The following PPP1R42 variants were observed in gnomAD, a reference collection of about 807,000 sequenced individuals.
PPP1R42 encodes leucine rich repeat containing 67.
Under a neutral mutation model 31.0 loss-of-function variants are expected in PPP1R42, and 34 were observed. The observed-to-expected ratio is 1.10, with a 90% CI of 0.83 to 1.46. The LOEUF (loss-of-function observed/expected upper bound fraction) is 1.46. Among genes scored for constraint, PPP1R42 ranks in the 40% most tolerant of loss-of-function variants. PPP1R42 has a pLI of 0.00. For synonymous variants in PPP1R42, 103 were observed against 109.8 expected (o/e 0.94, Z 0.39); for missense variants, 268 against 303.0 (o/e 0.88, Z 0.86).
chr8:66,977,880 C>G (rs777020771), intron 7 of PPP1R42, among the ~76,000 whole-genome samples: 5 of 152,142 alleles, frequency 3.3e-5, no homozygotes, highest in Non-Finnish European at 7.3e-5. Context: ...ATCTCTTAGT[C>G]TCAACTGATA....
chr8:66,978,141 G>A (rs922740681), intron 7 of PPP1R42, among the ~76,000 whole-genome samples: 3 of 152,108 alleles, frequency 2.0e-5, no homozygotes, highest in Non-Finnish European at 4.4e-5. Context: ...GAGGTTTAAT[G>A]GACTCACAGT....
intron 7 of PPP1R42, among the ~76,000 whole-genome samples, chr8:66,978,691 T>A (rs1202299061): frequency 6.6e-6 from 1 of 152,188 alleles, no homozygotes; most frequent in Non-Finnish European, 1.5e-5. Flanking sequence ...ATGCTGAGAT[T>A]ACAGCCGTGA....
At chr8:67,024,046 T>G (rs549069456) in intron 1 of PPP1R42, among the ~76,000 whole-genome samples, 1 of 151,920 alleles carries the variant, frequency 6.6e-6, no homozygotes, top group East Asian at 1.9e-4. Flanking sequence ...CTCAGGAGGC[T>G]GAGGCAGGAG....
chr8:66,999,908 C>T (rs1420860122), intron 5 of PPP1R42, among the ~76,000 whole-genome samples: 9 of 152,154 alleles, frequency 5.9e-5, no homozygotes, highest in African/African-American at 2.2e-4. Flanking sequence ...TTCTTTACAA[C>T]ATTCCCTTCT....
chr8:67,009,247 G>A (rs1384331682), intron 5 of PPP1R42, among the ~76,000 whole-genome samples: 1 of 151,676 alleles, frequency 6.6e-6, no homozygotes, highest in Non-Finnish European at 1.5e-5. Flanking sequence ...TCCAGCCTGG[G>A]CTACAGAGTG....
chr8:67,004,757 G>A lies in PPP1R42; in HGVS notation c.552+5958C>T, dbSNP rs184979241. Among the ~76,000 whole-genome samples, 225 of 151,920 alleles carry A rather than the reference G, an allele frequency of 1.5e-3. 1 individual carries two copies. Among genetic ancestry groups the A allele is most frequent in the Middle Eastern group, 0.014 (4 of 294 alleles). ...TTTTTGTTTCCGTTTCTCTCTCTTT[G>A]ATTTTAGAGGCTCTTTTCAGAGGTC... is the stretch of plus-strand genomic sequence containing the variant. On this transcript the variant is annotated intron_variant, in intron 5 of 7. Coordinates refer to ENST00000685739, the MANE Select transcript of PPP1R42 (RefSeq NM_001364910.1).
intron 4 of PPP1R42, among the ~76,000 whole-genome samples, chr8:67,012,114 T>A (rs2129536899): frequency 6.6e-6 from 1 of 152,234 alleles, no homozygotes; most frequent in Non-Finnish European, 1.5e-5. Context: ...CGCACGCCTG[T>A]AGTCCCAGCT....
chr8:66,965,379 G>A (rs1434004524), intron 7 of PPP1R42, among the ~76,000 whole-genome samples: 1 of 151,872 alleles, frequency 6.6e-6, no homozygotes, highest in African/African-American at 2.4e-5. Flanking sequence ...ATTTAACTTG[G>A]GAAAATAACC....
chr8:66,976,338 G>A (rs12216717), intron 7 of PPP1R42, among the ~76,000 whole-genome samples: 23 of 152,082 alleles, frequency 1.5e-4, no homozygotes, highest in Non-Finnish European at 1.8e-4. Flanking sequence ...GAAATAAAGT[G>A]CACAATAAAT....
intron 7 of PPP1R42, among the ~76,000 whole-genome samples, chr8:66,978,700 G>A (rs1814744840): frequency 6.6e-6 from 1 of 152,128 alleles, no homozygotes; most frequent in African/African-American, 2.4e-5. Flanking sequence ...TTACAGCCGT[G>A]AGCCACTGTG....
At chr8:66,976,512 C>G (rs891840422) in intron 7 of PPP1R42, among the ~76,000 whole-genome samples, 2 of 152,068 alleles carry the variant, frequency 1.3e-5, no homozygotes, top group African/African-American at 4.8e-5. Flanking sequence ...ATTTTGTAAC[C>G]TTTACCAAAT....
intron 7 of PPP1R42, among the ~76,000 whole-genome samples, chr8:66,978,120 A>G (rs1440875439): frequency 6.6e-6 from 1 of 152,200 alleles, no homozygotes; most frequent in Non-Finnish European, 1.5e-5. Context: ...TGGGTAATTT[A>G]TAAAGAAAAA....
chr8:67,020,991 TG>T (rs1454389169), intron 1 of PPP1R42, among the ~76,000 whole-genome samples: 4 of 152,208 alleles, frequency 2.6e-5, no homozygotes, highest in Non-Finnish European at 5.9e-5. Flanking sequence ...TCTATAGATT[TG>T]AGGTAACCCG....
intron 7 of PPP1R42, among the ~76,000 whole-genome samples, chr8:66,969,124 C>T (rs1288375046): frequency 6.6e-6 from 1 of 152,160 alleles, no homozygotes; most frequent in African/African-American, 2.4e-5. Context: ...TATCAGTGTA[C>T]TCCTAGTGAC....
Position 67,010,743 on chromosome 8 carries a change from G to A in PPP1R42, c.524C>T (p.Ala175Val). ...CACATGCAGAAGTTGGTTGTCAACG[G>A]CTATGAGCTGATTAAGATTCTCTAG... The part of the protein sequence containing the change: ...ELLENLNQLI[A>V]VDNQLLHVKD... The change falls in exon 5 of 8, where the codon GCC becomes GTC. Residue 175 changes from alanine (A) to valine (V), a missense_variant. By Grantham distance (64) the Ala-to-Val change is moderately conservative (BLOSUM62 0). Coordinates refer to ENST00000685739, the MANE Select transcript of PPP1R42 (RefSeq NM_001364910.1). The A allele has an allele frequency of 2.5e-6, 4 of 1,606,294 alleles. No homozygotes were observed. Among genetic ancestry groups the A allele is most frequent in the Non-Finnish European group, 3.4e-6 (4 of 1,176,428 alleles).
At chr8:66,979,244 G>C (rs963194576) in intron 7 of PPP1R42, among the ~76,000 whole-genome samples, 2 of 152,094 alleles carry the variant, frequency 1.3e-5, no homozygotes, top group Non-Finnish European at 2.9e-5. Context: ...TGATAGCTAG[G>C]GGTCTAGTTT....
At chr8:67,016,979 A>G (rs765981310) in intron 2 of PPP1R42, among the ~76,000 whole-genome samples, 2 of 152,222 alleles carry the variant, frequency 1.3e-5, no homozygotes, top group Non-Finnish European at 2.9e-5. Flanking sequence ...AGTAATTAGT[A>G]TCTATGAAAT....
In PPP1R42 at chr8:67,011,405, T is replaced by G. The variant is rs199537513; in HGVS notation, c.436-574A>C. ...AGCTGGGCATGGTGCCACACGCCTG[T>G]AGTCCCAGCTACTTGGGAGGCTGAG... On this transcript the variant is annotated intron_variant, in intron 4 of 7. Coordinates refer to ENST00000685739, the MANE Select transcript of PPP1R42 (RefSeq NM_001364910.1). Among the ~76,000 whole-genome samples, 68 of 152,322 alleles carry G rather than the reference T, an allele frequency of 4.5e-4. 1 individual carries two copies. In the East Asian group the frequency reaches 0.012, roughly 28 times the overall value.
At chr8:66,988,360 G>A (rs1431413129) in intron 6 of PPP1R42, 40 bp downstream of exon 6, 5 of 1,323,116 alleles carry the variant, frequency 3.8e-6, no homozygotes, top group Non-Finnish European at 4.9e-6. Flanking sequence ...AGTTAACTAG[G>A]TGTCATTCTC....
Sources: allele counts gnomAD v4.1 joint callset (sites outside exome capture counted in the v4.1 genomes callset), GRCh38; gene constraint gnomAD v4.1.1; transcripts MANE v1.5; gene names NCBI Gene and HGNC (gene_info 2026-07-23, HGNC 2026-07-21).